Variants in PCDH11X observed in about 807,000 individuals in gnomAD.
The protein encoded by PCDH11X is protocadherin 11 X-linked.
In PCDH11X, 18 loss-of-function variants were observed where a neutral mutation model predicts 53.3. The observed-to-expected ratio is 0.34, with a 90% confidence interval of 0.23 to 0.50. PCDH11X has a LOEUF of 0.50. Ranked by LOEUF, PCDH11X falls within the 20% of genes least tolerant of loss-of-function variation. PCDH11X has a pLI of 0.98. For missense variants in PCDH11X, 570 were observed against 1,032.4 expected (o/e 0.55, Z 6.14); for synonymous variants, 279 against 393.3 (o/e 0.71, Z 3.44).
At chrX:92,273,935 T>C (rs2068017868) in intron 8 of PCDH11X, among the ~76,000 whole-genome samples, 1 of 109,791 alleles carries the variant, frequency 9.1e-6, no homozygotes, top group African/African-American at 3.3e-5. Flanking sequence ...GAGTGGCAGT[T>C]TGGGGATAGC....
intron 6 of PCDH11X, among the ~76,000 whole-genome samples, chrX:91,946,319 A>G (rs1159446847): frequency 9.3e-6 from 1 of 107,057 alleles, no homozygotes; most frequent in Non-Finnish European, 1.9e-5. Flanking sequence ...ATTATAATTT[A>G]TATTTTAAAC....
At chrX:92,271,011 C>A (rs2067945901) in intron 8 of PCDH11X, among the ~76,000 whole-genome samples, 1 of 111,619 alleles carries the variant, frequency 9.0e-6, no homozygotes, top group African/African-American at 3.3e-5. Context: ...CCGCGATTCT[C>A]TGAAGCAAAG....
At chrX:92,307,322 A>C (rs2068852762) in intron 8 of PCDH11X, among the ~76,000 whole-genome samples, 1 of 111,162 alleles carries the variant, frequency 9.0e-6, no homozygotes, top group African/African-American at 3.3e-5. Context: ...AAAATCAAAC[A>C]ATGTAATACA....
intron 9 of PCDH11X, chrX:92,460,949 T>C (rs750368965): frequency 1.5e-5 from 16 of 1,086,720 alleles, no homozygotes; most frequent in Non-Finnish European, 1.6e-5. Context: ...TTCTGAGGCA[T>C]TAAGCCAGCA....
In PCDH11X at chrX:92,218,976, G is replaced by C. The variant is rs1246459101; in HGVS notation, c.3114+17521G>C. Among the ~76,000 whole-genome samples the C allele has an allele frequency of 8.1e-5, 9 of 111,397 alleles. No individual in the cohort carries two copies. In the South Asian group the frequency reaches 1.5e-3, roughly 19 times the overall value. On this transcript the variant is annotated intron_variant, in intron 7 of 10. Transcript: ENST00000682573. The stretch of plus-strand genomic sequence containing the variant: ...GATTATCTCAATAGATGCAGAAAAG[G>C]CCTTTGACAAAATTCAACAACACTT...
intron 10 of PCDH11X, among the ~76,000 whole-genome samples, chrX:92,536,267 A>G (rs1237272928): frequency 9.0e-6 from 1 of 111,177 alleles, no homozygotes; most frequent in African/African-American, 3.3e-5. Flanking sequence ...ACATTTTTAT[A>G]CAGGCTATTT....
intron 8 of PCDH11X, among the ~76,000 whole-genome samples, chrX:92,289,083 A>G (rs2068440727): frequency 8.9e-6 from 1 of 111,761 alleles, no homozygotes; most frequent in Non-Finnish European, 1.9e-5. Flanking sequence ...TAGAGTCACA[A>G]CTTCACCCGT....
chrX:92,324,208 G>A (rs2069276163), intron 8 of PCDH11X, among the ~76,000 whole-genome samples: 1 of 108,723 alleles, frequency 9.2e-6, no homozygotes, highest in African/African-American at 3.4e-5. Context: ...ATTTTGACAA[G>A]TTATGCTCAA....
At chrX:91,844,849 C>A (rs1447650349) in intron 5 of PCDH11X, among the ~76,000 whole-genome samples, 1 of 107,564 alleles carries the variant, frequency 9.3e-6, no homozygotes, top group Non-Finnish European at 1.9e-5. Context: ...AAACAGCCTG[C>A]ATCCTAAGGA....
At chrX:92,605,085 A>G (rs1456767557) in intron 10 of PCDH11X, among the ~76,000 whole-genome samples, 2 of 107,098 alleles carry the variant, frequency 1.9e-5, no homozygotes, top group South Asian at 4.0e-4. Flanking sequence ...ACTAGCAGAC[A>G]TGTATCTGAC....
In PCDH11X at chrX:92,604,663, A is replaced by G. The variant is rs754031886; in HGVS notation, c.3368-13601A>G. On this transcript the variant is annotated intron_variant, in intron 10 of 10. Coordinates refer to ENST00000682573, the MANE Select transcript of PCDH11X (RefSeq NM_032968.5). The stretch of plus-strand genomic sequence containing the variant: ...AACATAAAACAAGGCCAACAGTGTC[A>G]GAATACAAAATAAGATCTGAATATA... Among the ~76,000 whole-genome samples the G allele has an allele frequency of 6.3e-5, 7 of 111,431 alleles. No homozygotes were observed. In the South Asian group the frequency reaches 2.2e-3, roughly 35 times the overall value.
intron 6 of PCDH11X, among the ~76,000 whole-genome samples, chrX:92,111,729 C>T (rs2064517065): frequency 9.1e-6 from 1 of 109,472 alleles, no homozygotes; most frequent in South Asian, 3.9e-4. Context: ...TATTTCACAA[C>T]CCCACTCTAA....
intron 7 of PCDH11X, among the ~76,000 whole-genome samples, chrX:92,230,578 A>C (rs960367801): frequency 4.2e-5 from 4 of 95,912 alleles, no homozygotes; most frequent in Non-Finnish European, 8.1e-5. Context: ...TATATAATAT[A>C]TATAATATAT....
At chrX:92,120,209 G>A (rs1351149336) in intron 6 of PCDH11X, among the ~76,000 whole-genome samples, 1 of 99,267 alleles carries the variant, frequency 1.0e-5, no homozygotes, top group African/African-American at 3.8e-5. Flanking sequence ...CACCCCGGTT[G>A]GAGTGCAGTG....
At chrX:91,953,947 A>G (rs1361019882) in intron 6 of PCDH11X, among the ~76,000 whole-genome samples, 2 of 110,535 alleles carry the variant, frequency 1.8e-5, no homozygotes, top group African/African-American at 6.6e-5. Flanking sequence ...CAATCTTAGC[A>G]TGTATTTTTT....
At chrX:91,870,751 A>T (rs2147712328) in intron 5 of PCDH11X, among the ~76,000 whole-genome samples, 1 of 110,509 alleles carries the variant, frequency 9.0e-6, no homozygotes, top group South Asian at 3.9e-4. Context: ...TCTTACCCAA[A>T]GGGAGATGGT....
At chrX:91,968,603 T>A (rs2061900664) in intron 6 of PCDH11X, among the ~76,000 whole-genome samples, 1 of 111,645 alleles carries the variant, frequency 9.0e-6, no homozygotes, top group Non-Finnish European at 1.9e-5. Context: ...CTAATAAGAC[T>A]TTATAATAAT....
At chrX:91,827,050 C>T (rs1403968620) in intron 4 of PCDH11X, among the ~76,000 whole-genome samples, 8 of 111,359 alleles carry the variant, frequency 7.2e-5, no homozygotes, top group Non-Finnish European at 1.3e-4. Context: ...CTGCTTCCCA[C>T]TATAGTTGAA....
intron 5 of PCDH11X, among the ~76,000 whole-genome samples, chrX:91,841,127 A>G (rs1256398096): frequency 9.0e-6 from 1 of 110,978 alleles, no homozygotes; most frequent in Non-Finnish European, 1.9e-5. Flanking sequence ...CCACTGGGGA[A>G]AAAATGACAA....
Sources: gnomAD v4.1 joint callset for allele counts (sites outside exome capture counted in the v4.1 genomes callset) on GRCh38, gnomAD v4.1.1 for gene constraint, MANE v1.5 for transcripts, NCBI Gene and HGNC (gene_info 2026-07-23, HGNC 2026-07-21) for gene names.